TKFC: variants seen among roughly 807,000 people sequenced by gnomAD.
TKFC encodes the protein triokinase and FMN cyclase, also known as triokinase/FMN cyclase.
TKFC carries 46 observed loss-of-function variants against 61.0 expected under a neutral mutation model. The ratio of observed to expected loss-of-function variants is 0.75; its 90% CI spans 0.60 to 0.96. The LOEUF is 0.96. TKFC is among the 50% of genes least tolerant of loss of function. The pLI is 0.00. For synonymous variants in TKFC, 314 were observed against 330.1 expected (o/e 0.95, Z 0.53); for missense variants, 715 against 777.5 (o/e 0.92, Z 0.96).
At position 61,339,103 on chromosome 11, in the gene TKFC, G is replaced by C; in HGVS notation, c.231G>C (p.Ala77=). The C allele has an allele frequency of 1.9e-6, 3 of 1,613,692 alleles. No homozygotes were observed. Among genetic ancestry groups the C allele is most frequent in the Non-Finnish European group, 2.5e-6 (3 of 1,179,972 alleles). The stretch of plus-strand genomic sequence containing the variant: ...AGGGGATGCTGACTGGGGTCATCGC[G>C]GGAGCTGTGTTCACCTCCCCGGCAG... ...IGKGMLTGVI[A]GAVFTSPAVG... Residue 77 remains alanine, a synonymous_variant, in exon 4 of 18, where the codon GCG becomes GCC. Coordinates refer to ENST00000394900, the MANE Select transcript of TKFC (RefSeq NM_015533.4).
intron 2 of TKFC, chr11:61,335,290 A>T (rs182930164): frequency 8.9e-5 from 14 of 156,536 alleles, no homozygotes; most frequent in Admixed American, 6.8e-4. Flanking sequence ...CATCTGCATT[A>T]TAAGGCAAAT....
At chr11:61,337,811 G>A in intron 2 of TKFC, 130 bp from the exon 3 acceptor site, 1 of 809,618 alleles carries the variant, frequency 1.2e-6, no homozygotes, top group Non-Finnish European at 1.9e-6. Context: ...CCCAACTCAA[G>A]GAAGTCCTGT....
At chr11:61,341,195 C>T (rs1320971468) in intron 5 of TKFC, among the ~76,000 whole-genome samples, 1 of 152,180 alleles carries the variant, frequency 6.6e-6, no homozygotes, top group African/African-American at 2.4e-5. Flanking sequence ...TCTCTGGGTC[C>T]ATTTCCCCAT....
At position 61,342,451 on chromosome 11, in the gene TKFC, C is replaced by G; in HGVS notation, c.656-10C>G. ...TTGAGTGGGTCAGCAGTGACCACAT[C>G]TATCCGCAGGGATCCACGGGGAAGC... On this transcript the variant is annotated splice_polypyrimidine_tract_variant and intron_variant, in intron 7 of 17. Coordinates refer to ENST00000394900, the MANE Select transcript of TKFC (RefSeq NM_015533.4). 1 of 1,614,008 alleles carries G rather than the reference C, an allele frequency of 6.2e-7. No homozygotes were observed. The highest frequency in any genetic ancestry group is 8.5e-7 in the Non-Finnish European group (1 of 1,180,032).
intron 11 of TKFC, 36 bp downstream of exon 11, chr11:61,343,494 C>T (rs773998722): frequency 1.3e-6 from 2 of 1,581,190 alleles, no homozygotes; most frequent in East Asian, 4.5e-5. Flanking sequence ...CAAGCCAGGG[C>T]TCCTTGTAAC....
intron 2 of TKFC, chr11:61,336,242 C>T (rs1303351697): frequency 6.5e-6 from 1 of 154,538 alleles, no homozygotes; most frequent in African/African-American, 2.4e-5. Context: ...AGCCCTGGCC[C>T]TGGCTGGATG....
In TKFC at chr11:61,339,163, C is replaced by A; in HGVS notation, c.291C>A (p.Ala97=). The A allele has an allele frequency of 6.2e-7, 1 of 1,613,690 alleles. No individual in the cohort carries two copies. Among genetic ancestry groups the A allele is most frequent in the Admixed American group, 1.7e-5 (1 of 60,008 alleles). Residue 97 remains alanine (A), a synonymous_variant, in exon 4 of 18, where the codon GCC becomes GCA. Coordinates refer to ENST00000394900, the MANE Select transcript of TKFC (RefSeq NM_015533.4). The part of the protein sequence containing the change: ...GSILAAIRAV[A]QAGTVGTLLI... ...TCCTGGCAGCCATCAGGGCCGTGGCCCAGGCCGGCACAGGTAAGCCTGGCA... is the reference window on the plus strand; with the variant it reads ...TCCTGGCAGCCATCAGGGCCGTGGCACAGGCCGGCACAGGTAAGCCTGGCA...
Position 61,346,916 on chromosome 11 carries a change from C to G in TKFC, c.*413C>G, listed in dbSNP as rs1007880458. On this transcript the variant is annotated 3_prime_UTR_variant, in exon 18 of 18. Transcript: ENST00000394900. The surrounding 1 kb of genome is among the most constrained non-coding windows in gnomAD (Gnocchi z 4.1). Reference sequence around the variant, plus strand: ...GTTAATAAACTATAATACATGGAAGCAAGAAAGACACTGCCTCCTCTGAGG... The same window carrying G: ...GTTAATAAACTATAATACATGGAAGGAAGAAAGACACTGCCTCCTCTGAGG... 1.4e-5 allele frequency: 14 copies of G among 990,050 alleles called. No homozygotes were observed. The highest frequency in any genetic ancestry group is 6.0e-5 in the Admixed American group (1 of 16,736). 61.3% of individuals were successfully genotyped at this position (990,050 alleles called of 1,614,324 possible). A position where few individuals can be genotyped will look rare whatever the true frequency, so the allele number is the denominator to read the frequency against.
In TKFC at chr11:61,346,772, T is replaced by G; in HGVS notation, c.*269T>G. ...GGGTCATGCCCTCCCCTGCCAGCTC[T>G]GGGCTTCAGAGATAAGGCATTTTCC... On this transcript the variant is annotated 3_prime_UTR_variant, in exon 18 of 18. Transcript: ENST00000394900. The surrounding 1 kb of genome is among the most constrained non-coding windows in gnomAD (Gnocchi z 4.1). 8.2e-7 allele frequency: 1 copy of G among 1,224,504 alleles called. No homozygotes were observed. Among genetic ancestry groups the G allele is most frequent in the Non-Finnish European group, 1.0e-6 (1 of 979,802 alleles). 75.9% of individuals were successfully genotyped at this position (1,224,504 alleles called of 1,614,324 possible).
At position 61,338,088 on chromosome 11, in the gene TKFC, C is replaced by T. The variant is rs1565047582; in HGVS notation, c.151C>T (p.Leu51=). ...GGACAGCCTCAAGGGCCGGGTGGCA[C>T]TGCTGTCGGGTGGGGGCTCTGGCCA... The part of the protein sequence containing the change: ...DLDSLKGRVA[L]LSGGGSGHEP... Residue 51 remains leucine (L), a synonymous_variant, in exon 3 of 18, where the codon CTG becomes TTG. Coordinates refer to ENST00000394900, the MANE Select transcript of TKFC (RefSeq NM_015533.4). 6.2e-7 allele frequency: 1 copy of T among 1,608,544 alleles called. No individual in the cohort carries two copies. Among genetic ancestry groups the T allele is most frequent in the Non-Finnish European group, 8.5e-7 (1 of 1,179,136 alleles).
downstream of TKFC, chr11:61,353,145 G>C: frequency 6.3e-7 from 1 of 1,597,278 alleles, no homozygotes; most frequent in Non-Finnish European, 8.5e-7. Context: ...AACCACTGTG[G>C]ACAAAAGGGA....
In TKFC at chr11:61,346,486, G is replaced by A. The variant is rs144053132; in HGVS notation, c.1711G>A (p.Glu571Lys). 4 of 1,607,354 alleles carry A rather than the reference G, an allele frequency of 2.5e-6. No individual in the cohort carries two copies. The part of the protein sequence containing the change: ...AAAAILRAIL[E>K]VLQS ...TGCTGCCATCCTCCGGGCCATCTTGGAGGTCTTGCAGAGCTAGGGTGTGTG... is the reference window on the plus strand; with the variant it reads ...TGCTGCCATCCTCCGGGCCATCTTGAAGGTCTTGCAGAGCTAGGGTGTGTG... The change falls in exon 18 of 18, where the codon GAG (glutamate) becomes AAG (lysine). Residue 571 changes from glutamate to lysine, a missense_variant. Coordinates refer to ENST00000394900, the MANE Select transcript of TKFC (RefSeq NM_015533.4). This position sits in a 1 kb window ranked among gnomAD's most constrained non-coding sequence, Gnocchi z 4.1.
rs79453931 is a variant in TKFC at position 61,338,824 on chromosome 11, G to T, written c.194-242G>T. 5.7e-3 allele frequency among the ~76,000 whole-genome samples: 863 copies of T among 152,298 alleles called. 12 individuals carry two copies. Among genetic ancestry groups the T allele is most frequent in the African/African-American group, 0.02 (832 of 41,548 alleles). On this transcript the variant is annotated intron_variant, in intron 3 of 17. Transcript: ENST00000394900. The stretch of plus-strand genomic sequence containing the variant: ...AGTGACTTAGTAAAGACAGTAAAAT[G>T]GGGCAAAGGAACAGTGAGTCCCTGG...
downstream of TKFC, chr11:61,353,055 CA>C: frequency 5.6e-6 from 9 of 1,613,694 alleles, no homozygotes; most frequent in Non-Finnish European, 7.6e-6. Context: ...ATGGCGGCTC[CA>C]AAAAAGACGT....
intron 2 of TKFC, chr11:61,336,322 A>C (rs1856605545): frequency 6.5e-6 from 1 of 154,438 alleles, no homozygotes; most frequent in African/African-American, 2.4e-5. Context: ...CAAGCTCAGG[A>C]AGAAGCCACA....
At chr11:61,353,306 T>C (rs1857505362), downstream of TKFC, 6 of 854,852 alleles carry the variant, frequency 7.0e-6, 1 homozygote, top group South Asian at 1.1e-4. Flanking sequence ...TTGTGGCCTA[T>C]TACCCAAGCA....
chr11:61,349,473 A>G (rs1379651911), downstream of TKFC: 4 of 692,760 alleles, frequency 5.8e-6, no homozygotes, highest in Non-Finnish European at 1.1e-5. Context: ...TCCAGCAAGG[A>G]GAAGTAGAGG....
rs1389137103 is a variant in TKFC, at chr11:61,347,233, TC to T, written c.*731del. 1 of 985,246 alleles carries T rather than the reference TC, an allele frequency of 1.0e-6. No individual in the cohort carries two copies. The highest frequency in any genetic ancestry group is 1.2e-6 in the Non-Finnish European group (1 of 829,970). The allele number at this position is 985,246 out of a possible 1,614,324, so 61.0% of individuals were successfully genotyped here. ...AAAAGAAATCATCATAGTCTAAGGT[TC>T]AGTTGTAGATCAAAAAATGCAGCCA... On this transcript the variant is annotated 3_prime_UTR_variant, in exon 18 of 18. Transcript: ENST00000394900.
chr11:61,350,991 C>G, downstream of TKFC: 1 of 1,613,026 alleles, frequency 6.2e-7, no homozygotes, highest in Non-Finnish European at 8.5e-7. Context: ...GAACCCATAC[C>G]TGTCTGTCGG....
Sources: gnomAD v4.1 joint callset for allele counts (sites outside exome capture counted in the v4.1 genomes callset) on GRCh38, gnomAD v4.1.1 for gene constraint, Gnocchi (gnomAD v3.1) non-coding constraint, MANE v1.5 for transcripts, NCBI Gene and HGNC (gene_info 2026-07-23, HGNC 2026-07-21) for gene names.